Variants in ULK4 observed in about 807,000 individuals in gnomAD.
ULK4 encodes the protein unc-51 like kinase 4, also known as inactive serine/threonine-protein kinase ULK4.
Under a neutral mutation model 160.6 loss-of-function variants are expected in ULK4, and 133 were observed. The ratio of observed to expected loss-of-function variants is 0.83; its 90% CI spans 0.72 to 0.96. ULK4 has a LOEUF of 0.96. ULK4 is among the 40% of genes least tolerant of loss of function. The probability of loss-of-function intolerance (pLI) is 0.00; values close to 1 mark genes in which losing one functional copy is unlikely to be tolerated. For synonymous variants in ULK4, 534 were observed against 539.8 expected, an observed-to-expected ratio of 0.99 and a Z score of 0.15; for missense variants, 1,580 against 1,499.5, an observed-to-expected ratio of 1.05 and a Z score of -0.89.
intron 32 of ULK4, among the ~76,000 whole-genome samples, chr3:41,555,774 C>T (rs1475060329): frequency 6.6e-6 from 1 of 152,150 alleles, no homozygotes; most frequent in Non-Finnish European, 1.5e-5. Context: ...AATCTAAATG[C>T]CCATCAATGA....
At chr3:41,752,228 C>A (rs1327390177) in intron 22 of ULK4, among the ~76,000 whole-genome samples, 1 of 151,852 alleles carries the variant, frequency 6.6e-6, no homozygotes, top group Non-Finnish European at 1.5e-5. Context: ...TCTTTTCTTG[C>A]CCTAACTCTA....
At chr3:41,687,280 G>T (rs2036134746) in intron 27 of ULK4, among the ~76,000 whole-genome samples, 1 of 151,786 alleles carries the variant, frequency 6.6e-6, no homozygotes, top group South Asian at 2.1e-4. Flanking sequence ...GGCTGAAGCA[G>T]GAGAATCACT....
At chr3:41,697,364 T>G (rs2036536479) in intron 27 of ULK4, among the ~76,000 whole-genome samples, 2 of 152,066 alleles carry the variant, frequency 1.3e-5, no homozygotes, top group South Asian at 2.1e-4. Flanking sequence ...ACTAACTGTG[T>G]GTGTTTTTGT....
At chr3:41,383,208 C>T (rs775967926) in intron 35 of ULK4, among the ~76,000 whole-genome samples, 1 of 151,886 alleles carries the variant, frequency 6.6e-6, no homozygotes, top group East Asian at 1.9e-4. Flanking sequence ...AAGCGATTCT[C>T]CTGCCTCAGC....
intron 29 of ULK4, among the ~76,000 whole-genome samples, chr3:41,665,231 A>G (rs763371369): frequency 3.3e-5 from 5 of 152,204 alleles, no homozygotes; most frequent in Non-Finnish European, 7.3e-5. Flanking sequence ...AAGCCTAATT[A>G]TATAGCCTGT....
intron 19 of ULK4, among the ~76,000 whole-genome samples, chr3:41,803,792 A>G (rs1005931255): frequency 7.2e-5 from 11 of 152,270 alleles, no homozygotes; most frequent in Admixed American, 3.9e-4. Flanking sequence ...AATTTCATCC[A>G]TGTCCCTACA....
Position 41,717,828 on chromosome 3 carries a change from C to T in ULK4, c.2355G>A (p.Lys785=). The T allele has an allele frequency of 1.2e-6, 2 of 1,614,118 alleles. No homozygotes were observed. Among genetic ancestry groups the T allele is most frequent in the Non-Finnish European group, 8.5e-7 (1 of 1,180,012 alleles). The change falls in exon 23 of 37, where the codon AAG becomes AAA. Residue 785 remains lysine (K), a synonymous_variant. Coordinates refer to ENST00000301831, the MANE Select transcript of ULK4 (RefSeq NM_017886.4). ...TTTGCTGCTCCTTGCCTGGAGTGGT[C>T]TTTCTGCTGTCTCTCTCGATGTACA... ...LVMYIERDSR[K]TTPGKEQQSG...
chr3:41,505,735 T>C (rs1261332259), intron 32 of ULK4, among the ~76,000 whole-genome samples: 1 of 152,288 alleles, frequency 6.6e-6, no homozygotes, highest in Non-Finnish European at 1.5e-5. Flanking sequence ...ATTTTCTAGG[T>C]TCACAATCAT....
At chr3:41,794,414 C>T (rs2040233161) in intron 20 of ULK4, among the ~76,000 whole-genome samples, 1 of 152,038 alleles carries the variant, frequency 6.6e-6, no homozygotes, top group East Asian at 1.9e-4. Flanking sequence ...GCCTGTAATC[C>T]TGGCACTTTG....
At chr3:41,523,364 G>A (rs2086001249) in intron 32 of ULK4, among the ~76,000 whole-genome samples, 1 of 152,176 alleles carries the variant, frequency 6.6e-6, no homozygotes, top group Non-Finnish European at 1.5e-5. Flanking sequence ...ATATGTTACA[G>A]GGCATTCTGG....
chr3:41,380,604 C>A (rs72866629), intron 35 of ULK4, among the ~76,000 whole-genome samples: 1,557 of 152,210 alleles, frequency 0.01, 35 homozygotes, highest in African/African-American at 0.035. Context: ...AGCTCACTCA[C>A]GGCCTCACCC....
chr3:41,639,098 T>A (rs1479786247), intron 30 of ULK4, among the ~76,000 whole-genome samples: 2 of 152,164 alleles, frequency 1.3e-5, no homozygotes, highest in African/African-American at 4.8e-5. Context: ...ACTGATCACA[T>A]CAGGAGATTT....
At chr3:41,771,707 A>G (rs999233782) in intron 21 of ULK4, among the ~76,000 whole-genome samples, 5 of 152,164 alleles carry the variant, frequency 3.3e-5, no homozygotes, top group Admixed American at 2.0e-4. Context: ...AGAAAAAACG[A>G]CTGAAACTTC....
intron 34 of ULK4, among the ~76,000 whole-genome samples, chr3:41,411,347 C>A (rs1575526965): frequency 6.6e-6 from 1 of 152,048 alleles, no homozygotes; most frequent in East Asian, 1.9e-4. Context: ...GTGAAGCCTG[C>A]TACTTAGAGG....
intron 1 of ULK4, among the ~76,000 whole-genome samples, chr3:41,959,521 C>A (rs1268174775): frequency 6.7e-6 from 1 of 150,358 alleles, no homozygotes; most frequent in Non-Finnish European, 1.5e-5. Context: ...GACTCCATAT[C>A]AAAAAAAATA....
chr3:41,929,432 A>C (rs889754456), intron 5 of ULK4, among the ~76,000 whole-genome samples: 1 of 152,226 alleles, frequency 6.6e-6, no homozygotes, highest in Admixed American at 6.5e-5. Context: ...AATCCGGCAC[A>C]AGACAAGGAT....
intron 22 of ULK4, among the ~76,000 whole-genome samples, chr3:41,740,992 A>G (rs2038223024): frequency 6.6e-6 from 1 of 151,994 alleles, no homozygotes; most frequent in Non-Finnish European, 1.5e-5. Context: ...CTGGCTGCCT[A>G]TTCGTTTCTG....
chr3:41,437,299 T>C (rs1346371985), intron 34 of ULK4, among the ~76,000 whole-genome samples: 3 of 152,238 alleles, frequency 2.0e-5, no homozygotes, highest in Non-Finnish European at 2.9e-5. Context: ...TCTAAGAAGC[T>C]TGGAGTTTAT....
chr3:41,795,770 T>G (rs2040284358), intron 20 of ULK4, among the ~76,000 whole-genome samples: 1 of 152,172 alleles, frequency 6.6e-6, no homozygotes, highest in Non-Finnish European at 1.5e-5. Flanking sequence ...GAGAATCAAG[T>G]TGGTGGAGCC....
Sources: gnomAD v4.1 joint callset for allele counts (sites outside exome capture counted in the v4.1 genomes callset) on GRCh38, gnomAD v4.1.1 for gene constraint, MANE v1.5 for transcripts, NCBI Gene and HGNC (gene_info 2026-07-23, HGNC 2026-07-21) for gene names.